GABRG3: variants seen among roughly 807,000 people sequenced by gnomAD.
GABRG3 encodes the protein gamma-aminobutyric acid type A receptor subunit gamma3, also known as gamma-aminobutyric acid receptor subunit gamma-3.
Under a neutral mutation model 48.8 loss-of-function variants are expected in GABRG3, and 25 were observed. The observed-to-expected ratio is 0.51, with a 90% CI of 0.37 to 0.72. GABRG3 has a LOEUF of 0.72. GABRG3 is among the 30% of genes least tolerant of loss of function. The pLI, the probability that GABRG3 is intolerant of heterozygous loss-of-function variation, is 0.00. For synonymous variants in GABRG3, 227 were observed against 217.6 expected (o/e 1.04, Z -0.38); for missense variants, 394 against 577.9 (o/e 0.68, Z 3.26).
intron 2 of GABRG3, among the ~76,000 whole-genome samples, chr15:27,004,516 CAG>C (rs958900946): frequency 2.0e-5 from 3 of 151,728 alleles, no homozygotes; most frequent in African/African-American, 4.8e-5. Flanking sequence ...GGCGGTCAGG[CAG>C]AGACACTCCT....
chr15:26,974,747 T>A lies in GABRG3; in HGVS notation c.54-2255T>A, dbSNP rs1358685710. On this transcript the variant is annotated intron_variant, in intron 1 of 9. Coordinates refer to ENST00000615808, the MANE Select transcript of GABRG3 (RefSeq NM_033223.5). The surrounding 1 kb of genome is among the most constrained non-coding windows in gnomAD (Gnocchi z 4.3). ...AGTGCTTGATTCCCAGCTATCTAAA[T>A]GCTTCAACCTGCTCTTTAAGTTTTA... Among the ~76,000 whole-genome samples, 1 of 152,100 alleles carries A rather than the reference T, an allele frequency of 6.6e-6. No individual in the cohort carries two copies. The highest frequency in any genetic ancestry group is 1.9e-4 in the East Asian group (1 of 5,190).
intron 6 of GABRG3, among the ~76,000 whole-genome samples, chr15:27,482,215 T>G (rs571513831): frequency 6.6e-6 from 1 of 152,352 alleles, no homozygotes; most frequent in Non-Finnish European, 1.5e-5. Flanking sequence ...ATATTTTTAA[T>G]AAGTTTTACA....
chr15:27,021,985 C>T (rs1425236649), intron 2 of GABRG3, among the ~76,000 whole-genome samples: 1 of 152,208 alleles, frequency 6.6e-6, no homozygotes, highest in East Asian at 1.9e-4. Context: ...ATGCCTGCCA[C>T]CTCCATGCTC....
intron 2 of GABRG3, among the ~76,000 whole-genome samples, chr15:27,025,411 T>A (rs1371566561): frequency 6.6e-6 from 1 of 152,164 alleles, no homozygotes; most frequent in Non-Finnish European, 1.5e-5. Context: ...CTACCTAATT[T>A]CCATAGTAGT....
rs556163018 is a variant in GABRG3 at position 27,353,268 on chromosome 15, C to T, written c.574+24380C>T. Among the ~76,000 whole-genome samples the T allele has an allele frequency of 3.9e-5, 6 of 152,124 alleles. No homozygotes were observed. In the East Asian group the frequency reaches 1.2e-3, roughly 30 times the overall value. On this transcript the variant is annotated intron_variant, in intron 5 of 9. Transcript: ENST00000615808. ...CCATGGCCCCAAGGCTTCCCAGTAC[C>T]TGCCTAGCCACTCTGCTTGCTCCTG...
Position 27,456,877 on chromosome 15 carries a change from G to A in GABRG3, c.575-23773G>A, listed in dbSNP as rs537925631. 1.6e-4 allele frequency among the ~76,000 whole-genome samples: 24 copies of A among 152,292 alleles called. No homozygotes were observed. In the East Asian group the frequency reaches 3.5e-3, roughly 22 times the overall value. The stretch of plus-strand genomic sequence containing the variant: ...AGAGGGGTTGCCACCTGCAGCAGCA[G>A]GAAGAAGGGCCCTCCCTACCACAGG... On this transcript the variant is annotated intron_variant, in intron 5 of 9. Coordinates refer to ENST00000615808, the MANE Select transcript of GABRG3 (RefSeq NM_033223.5).
chr15:27,528,274 T>C (rs1891330524), intron 9 of GABRG3, among the ~76,000 whole-genome samples: 1 of 152,240 alleles, frequency 6.6e-6, no homozygotes, highest in South Asian at 2.1e-4. Flanking sequence ...TCATGCATTT[T>C]AGCAAAACTG....
rs574532338 is a variant in GABRG3, at chr15:27,286,964, A to G, written c.271-39845A>G. Among the ~76,000 whole-genome samples the G allele has an allele frequency of 2.0e-5, 3 of 152,352 alleles. No individual in the cohort carries two copies. The East Asian group carries it at 5.8e-4, about 29-fold the overall frequency. On this transcript the variant is annotated intron_variant, in intron 3 of 9. Transcript: ENST00000615808. Reference sequence around the variant, plus strand: ...GGCGACTGAAGTGATCCGTGGCTCCATGATATAAAGCTCCATGGCACTGTA... The same window carrying G: ...GGCGACTGAAGTGATCCGTGGCTCCGTGATATAAAGCTCCATGGCACTGTA...
At chr15:27,159,539 C>CT (rs1444585811) in intron 3 of GABRG3, among the ~76,000 whole-genome samples, 1 of 151,564 alleles carries the variant, frequency 6.6e-6, no homozygotes, top group Non-Finnish European at 1.5e-5. Context: ...ATTTTCCATT[C>CT]TTTAAGGGAT....
intron 5 of GABRG3, among the ~76,000 whole-genome samples, chr15:27,430,271 A>G (rs1337164993): frequency 6.6e-6 from 1 of 152,190 alleles, no homozygotes; most frequent in Non-Finnish European, 1.5e-5. Context: ...GTTGAGTTGT[A>G]AAATATCTTT....
intron 3 of GABRG3, among the ~76,000 whole-genome samples, chr15:27,172,838 C>T (rs1595565905): frequency 6.6e-6 from 1 of 152,168 alleles, no homozygotes; most frequent in East Asian, 1.9e-4. Flanking sequence ...TTGAGAAGGG[C>T]CCCCACTCCA....
Position 26,974,962 on chromosome 15 carries a change from C to T in GABRG3, c.54-2040C>T, listed in dbSNP as rs991561302. On this transcript the variant is annotated intron_variant, in intron 1 of 9. Transcript: ENST00000615808. The surrounding 1 kb of genome is among the most constrained non-coding windows in gnomAD (Gnocchi z 4.3). ...TATCTCGGCTCACTGCAACCTCTGC[C>T]TCCTGGGTTCAAGCAATTCTCTTGC... Among the ~76,000 whole-genome samples, 3 of 151,302 alleles carry T rather than the reference C, an allele frequency of 2.0e-5. No individual in the cohort carries two copies. The highest frequency in any genetic ancestry group is 2.9e-5 in the Non-Finnish European group (2 of 67,922).
intron 5 of GABRG3, among the ~76,000 whole-genome samples, chr15:27,470,403 T>C (rs374676404): frequency 1.3e-5 from 2 of 151,918 alleles, no homozygotes; most frequent in East Asian, 3.9e-4. Flanking sequence ...TTTTTTTAAA[T>C]TTGTATTTTA....
intron 2 of GABRG3, among the ~76,000 whole-genome samples, chr15:26,979,132 T>C (rs1432651428): frequency 6.6e-6 from 1 of 152,242 alleles, no homozygotes; most frequent in African/African-American, 2.4e-5. Flanking sequence ...TTGCCTGTGT[T>C]AATTTCTAAT....
rs1487080586 is a variant in GABRG3, at chr15:27,388,351, GGTAAGGAAGGAAGGAAGAAA to G, written c.574+59465_574+59484del. On this transcript the variant is annotated intron_variant, in intron 5 of 9. Transcript: ENST00000615808. Reference sequence around the variant, plus strand: ...GGAAGGAAGGAAAGGTGGGAGGGAGGGTAAGGAAGGAAGGAAGAAAGGAAGGAAGGAAGGAAAGGAGGGAG... The same window carrying G: ...GGAAGGAAGGAAAGGTGGGAGGGAGGGGAAGGAAGGAAGGAAAGGAGGGAG... Among the ~76,000 whole-genome samples the G allele has an allele frequency of 5.6e-4, 20 of 35,604 alleles. 1 individual carries two copies. Among genetic ancestry groups the G allele is most frequent in the African/African-American group, 1.9e-3 (19 of 10,066 alleles). 23.4% of individuals were successfully genotyped at this position (35,604 alleles called of 152,430 possible).
chr15:27,324,694 C>A (rs928006075), intron 3 of GABRG3, among the ~76,000 whole-genome samples: 2 of 152,198 alleles, frequency 1.3e-5, no homozygotes, highest in African/African-American at 4.8e-5. Flanking sequence ...ACCGAGCCAA[C>A]TTTCTACCTG....
intron 3 of GABRG3, among the ~76,000 whole-genome samples, chr15:27,139,847 A>G (rs1042155865): frequency 1.3e-5 from 2 of 152,168 alleles, no homozygotes; most frequent in African/African-American, 2.4e-5. Context: ...TGAGACTTTT[A>G]GCCCCACCCC....
intron 5 of GABRG3, among the ~76,000 whole-genome samples, chr15:27,331,058 A>G (rs750447831): frequency 7.2e-5 from 11 of 152,176 alleles, no homozygotes; most frequent in Non-Finnish European, 1.2e-4. Flanking sequence ...TTATATACCT[A>G]TTGGAATGGC....
chr15:27,475,007 G>A (rs1409636348), intron 5 of GABRG3, among the ~76,000 whole-genome samples: 1 of 152,116 alleles, frequency 6.6e-6, no homozygotes, highest in East Asian at 1.9e-4. Context: ...GCAGGCACCT[G>A]TAATCCCAGC....
Sources: gnomAD v4.1 joint callset for allele counts (sites outside exome capture counted in the v4.1 genomes callset) on GRCh38, gnomAD v4.1.1 for gene constraint, Gnocchi (gnomAD v3.1) non-coding constraint, MANE v1.5 for transcripts, NCBI Gene and HGNC (gene_info 2026-07-23, HGNC 2026-07-21) for gene names.